The following JAKMIP1 variants were observed in gnomAD, a reference collection of about 807,000 sequenced individuals.
The protein encoded by JAKMIP1 is janus kinase and microtubule-interacting protein 1.
In JAKMIP1, 33 loss-of-function variants were observed where a neutral mutation model predicts 113.0. The observed-to-expected ratio is 0.29, with a 90% CI of 0.22 to 0.39. The LOEUF is 0.39. Among genes scored for constraint, JAKMIP1 ranks in the 10% least tolerant of loss-of-function variants. The pLI is 1.00. For synonymous variants in JAKMIP1, 480 were observed against 459.9 expected (o/e 1.04, Z -0.56); for missense variants, 813 against 1,080.5 (o/e 0.75, Z 3.47).
Position 6,094,776 on chromosome 4 carries a change from T to C in JAKMIP1, c.625-9147A>G, listed in dbSNP as rs1722577889. Among the ~76,000 whole-genome samples the C allele has an allele frequency of 2.6e-5, 4 of 152,308 alleles. No homozygotes were observed. In the South Asian group the frequency reaches 8.3e-4, roughly 32 times the overall value. Reference sequence around the variant, plus strand: ...TGGGAGGCAGAGGCAGGACATTTGCTTTAGCTCAGGAGTTCAAGACCAGCC... The same window carrying C: ...TGGGAGGCAGAGGCAGGACATTTGCCTTAGCTCAGGAGTTCAAGACCAGCC... On this transcript the variant is annotated intron_variant, in intron 3 of 20. Transcript: ENST00000409021. The surrounding 1 kb of genome is among the most constrained non-coding windows in gnomAD (Gnocchi z 4.2).
At chr4:6,159,926 T>C (rs1722700492) in intron 1 of JAKMIP1, among the ~76,000 whole-genome samples, 1 of 151,614 alleles carries the variant, frequency 6.6e-6, no homozygotes, top group Admixed American at 6.6e-5. Flanking sequence ...GTAGGGAAAG[T>C]GGGTCACAAA....
At chr4:6,034,202 T>C (rs1259832716) in intron 19 of JAKMIP1, among the ~76,000 whole-genome samples, 1 of 95,620 alleles carries the variant, frequency 1.0e-5, no homozygotes, top group Non-Finnish European at 2.0e-5. Context: ...GACAGCAGTT[T>C]ACAAGTAATA....
At chr4:6,104,841 T>TG (rs150321041) in intron 3 of JAKMIP1, among the ~76,000 whole-genome samples, 1,620 of 152,266 alleles carry the variant, frequency 0.011, 23 homozygotes, top group Non-Finnish European at 0.015. Flanking sequence ...CTGGCCTAGG[T>TG]GGGGCTCCTC....
At position 6,085,443 on chromosome 4, in the gene JAKMIP1, T is replaced by C. The variant is rs1382350577; in HGVS notation, c.811A>G (p.Met271Val). 5.0e-6 allele frequency: 8 copies of C among 1,613,638 alleles called. No homozygotes were observed. Among genetic ancestry groups the C allele is most frequent in the Admixed American group, 1.7e-5 (1 of 60,026 alleles). The change falls in exon 4 of 21, where the codon ATG becomes GTG. Residue 271 changes from methionine (M) to valine (V), a missense_variant. Coordinates refer to ENST00000409021, the MANE Select transcript of JAKMIP1 (RefSeq NM_001099433.2). ...ACCTGGACGCCCATGAGCTCCACCATGTCCCCGATCCCGGGCGGGAGCTCT... is the reference window on the plus strand; with the variant it reads ...ACCTGGACGCCCATGAGCTCCACCACGTCCCCGATCCCGGGCGGGAGCTCT... ...KRELPPGIGD[M>V]VELMGVQDQH...
chr4:6,127,990 C>T (rs1717967181), intron 1 of JAKMIP1, among the ~76,000 whole-genome samples: 1 of 152,190 alleles, frequency 6.6e-6, no homozygotes. Flanking sequence ...CTGGGTAACA[C>T]CTGCTATGTA....
intron 1 of JAKMIP1, among the ~76,000 whole-genome samples, chr4:6,114,294 ATGG>A (rs1313371882): frequency 6.6e-6 from 1 of 152,192 alleles, no homozygotes; most frequent in African/African-American, 2.4e-5. Flanking sequence ...GCTACAGAAG[ATGG>A]TGTGTCTAGA....
rs1450240222 is a variant in JAKMIP1, at chr4:6,050,255, A to G, written c.1908+323T>C. Among the ~76,000 whole-genome samples, 2 of 152,148 alleles carry G rather than the reference A, an allele frequency of 1.3e-5. No individual in the cohort carries two copies. The highest frequency in any genetic ancestry group is 4.8e-5 in the African/African-American group (2 of 41,442). ...ACTTGGAGTCTGTTCATGATGTGTC[A>G]TCACCCCAGCTTCACGGTGTGGGTA... On this transcript the variant is annotated intron_variant, in intron 14 of 20. Transcript: ENST00000409021. The surrounding 1 kb of genome is among the most constrained non-coding windows in gnomAD (Gnocchi z 7.4).
At position 6,081,738 on chromosome 4, in the gene JAKMIP1, C is replaced by G; in HGVS notation, c.972G>C (p.Glu324Asp). The change falls in exon 6 of 21, where the codon GAG (glutamate) becomes GAC (aspartate). Residue 324 changes from glutamate (E) to aspartate (D), a missense_variant. This residue lies in a region of JAKMIP1 where 540 missense variants were observed against 653.9 expected (regional missense o/e 0.83). Coordinates refer to ENST00000409021, the MANE Select transcript of JAKMIP1 (RefSeq NM_001099433.2). This position sits in a 1 kb window ranked among gnomAD's most constrained non-coding sequence, Gnocchi z 4.6. ...ERNELLKRSR[E>D]TEVQLKPLVE... The stretch of plus-strand genomic sequence containing the variant: ...CCAGGGGCTTCAGCTGAACCTCGGT[C>G]TCTCGTGAGCGTTTCAGCTGTGGTT... 6.2e-7 allele frequency: 1 copy of G among 1,614,166 alleles called. No homozygotes were observed. Among genetic ancestry groups the G allele is most frequent in the Non-Finnish European group, 8.5e-7 (1 of 1,180,028 alleles).
In JAKMIP1 at chr4:6,153,632, T is replaced by C. The variant is rs1471644895; in HGVS notation, c.-147-40635A>G. ...GAGAACGTTTTGTGGAAGGCCATCA[T>C]GTTCCCGTGTGCCCCTCGGCACCTT... On this transcript the variant is annotated intron_variant, in intron 1 of 20. Transcript: ENST00000409021. The surrounding 1 kb of genome is among the most constrained non-coding windows in gnomAD (Gnocchi z 4.9). Among the ~76,000 whole-genome samples the C allele has an allele frequency of 6.6e-6, 1 of 152,208 alleles. No homozygotes were observed. The highest frequency in any genetic ancestry group is 1.5e-5 in the Non-Finnish European group (1 of 68,040).
chr4:6,085,176 C>T (rs1236001632), intron 4 of JAKMIP1, among the ~76,000 whole-genome samples: 1 of 152,086 alleles, frequency 6.6e-6, no homozygotes, highest in Non-Finnish European at 1.5e-5. Flanking sequence ...TCAAACCCTT[C>T]CGTGGCTCCC....
rs59291796 is a variant in JAKMIP1 at position 6,124,436 on chromosome 4, T to G, written c.-147-11439A>C. On this transcript the variant is annotated intron_variant, in intron 1 of 20. Coordinates refer to ENST00000409021, the MANE Select transcript of JAKMIP1 (RefSeq NM_001099433.2). ...AATGGGCCTCAGGCTTCCCCAACCCTCAACATCCAGCCACCAAGAACTGTC... is the reference window on the plus strand; with the variant it reads ...AATGGGCCTCAGGCTTCCCCAACCCGCAACATCCAGCCACCAAGAACTGTC... Among the ~76,000 whole-genome samples the G allele has an allele frequency of 2.6e-3, 394 of 152,214 alleles. 5 individuals are homozygous for G. The highest frequency in any genetic ancestry group is 0.024 in the East Asian group (124 of 5,174).
chr4:6,111,797 A>G (rs928051288), intron 2 of JAKMIP1, among the ~76,000 whole-genome samples: 3 of 152,220 alleles, frequency 2.0e-5, no homozygotes, highest in Non-Finnish European at 1.5e-5. Context: ...AAAGTAGCTC[A>G]TATCGCAGAA....
chr4:6,071,378 A>T (rs1718934267), intron 8 of JAKMIP1, among the ~76,000 whole-genome samples: 1 of 152,062 alleles, frequency 6.6e-6, no homozygotes, highest in Non-Finnish European at 1.5e-5. Flanking sequence ...CGGGGCTGCA[A>T]TCTGGAACCT....
At position 6,069,557 on chromosome 4, in the gene JAKMIP1, T is replaced by C. The variant is rs143935361; in HGVS notation, c.1303-4549A>G. 5.1e-3 allele frequency among the ~76,000 whole-genome samples: 782 copies of C among 152,254 alleles called. 6 individuals carry two copies. Among genetic ancestry groups the C allele is most frequent in the Middle Eastern group, 0.017 (5 of 294 alleles). ...TGAGCCCAGGAGTTCAAGATCAACCTGGGCCACATAGTGAGAATCCATCTC... is the reference window on the plus strand; with the variant it reads ...TGAGCCCAGGAGTTCAAGATCAACCCGGGCCACATAGTGAGAATCCATCTC... On this transcript the variant is annotated intron_variant, in intron 8 of 20. Transcript: ENST00000409021. The surrounding 1 kb of genome is among the most constrained non-coding windows in gnomAD (Gnocchi z 4.5).
At chr4:6,160,940 A>C in intron 1 of JAKMIP1, among the ~76,000 whole-genome samples, 1 of 104,052 alleles carries the variant, frequency 9.6e-6, no homozygotes, top group Admixed American at 9.7e-5. Flanking sequence ...CCCGATCTCC[A>C]CTTATCTCCC....
intron 3 of JAKMIP1, among the ~76,000 whole-genome samples, chr4:6,092,899 A>G (rs1722283478): frequency 6.6e-6 from 1 of 152,242 alleles, no homozygotes. Flanking sequence ...ACCTTTTGCC[A>G]GAAATAGTTC....
In JAKMIP1 at chr4:6,158,992, G is replaced by A. The variant is rs568947656; in HGVS notation, c.-148+41261C>T. On this transcript the variant is annotated intron_variant, in intron 1 of 20. Transcript: ENST00000409021. The surrounding 1 kb of genome is among the most constrained non-coding windows in gnomAD (Gnocchi z 5.3). ...TAGTCCCAGCTATTCAAGAGGCTGA[G>A]GTAGGAAGATAGCTTGAGCCCTGGA... Among the ~76,000 whole-genome samples the A allele has an allele frequency of 3.3e-5, 5 of 152,124 alleles. No individual in the cohort carries two copies. The highest frequency in any genetic ancestry group is 6.5e-5 in the Admixed American group (1 of 15,278).
At position 6,192,811 on chromosome 4, in the gene JAKMIP1, A is replaced by G. The variant is rs1045864614; in HGVS notation, c.-148+7442T>C. Among the ~76,000 whole-genome samples, 8 of 152,298 alleles carry G rather than the reference A, an allele frequency of 5.3e-5. No homozygotes were observed. The highest frequency in any genetic ancestry group is 3.4e-3 in the Middle Eastern group (1 of 294). On this transcript the variant is annotated intron_variant, in intron 1 of 20. Coordinates refer to ENST00000409021, the MANE Select transcript of JAKMIP1 (RefSeq NM_001099433.2). The surrounding 1 kb of genome is among the most constrained non-coding windows in gnomAD (Gnocchi z 5.0). ...GATGATTCTCAAAAGCAAACAGGGT[A>G]CTGATGGGAACCAGGGGCACAGCCG...
chr4:6,139,371 C>T lies in JAKMIP1; in HGVS notation c.-147-26374G>A, dbSNP rs1719759807. On this transcript the variant is annotated intron_variant, in intron 1 of 20. Coordinates refer to ENST00000409021, the MANE Select transcript of JAKMIP1 (RefSeq NM_001099433.2). The surrounding 1 kb of genome is among the most constrained non-coding windows in gnomAD (Gnocchi z 5.2). ...CGCTGAGGTCCTAACCCCCAGTACCCTCAGAGGTGGTCTTATGGGAAACAG... is the reference window on the plus strand; with the variant it reads ...CGCTGAGGTCCTAACCCCCAGTACCTTCAGAGGTGGTCTTATGGGAAACAG... Among the ~76,000 whole-genome samples the T allele has an allele frequency of 6.6e-6, 1 of 152,180 alleles. No individual in the cohort carries two copies. The highest frequency in any genetic ancestry group is 2.4e-5 in the African/African-American group (1 of 41,410).
Sources: allele counts gnomAD v4.1 joint callset (sites outside exome capture counted in the v4.1 genomes callset), GRCh38; gene constraint gnomAD v4.1.1; regional missense constraint gnomAD v4.1.1; non-coding constraint Gnocchi (gnomAD v3.1); transcripts MANE v1.5; gene names NCBI Gene and HGNC (gene_info 2026-07-23, HGNC 2026-07-21).